The following PDGFD variants were observed in gnomAD, a reference collection of about 807,000 sequenced individuals.
PDGFD encodes platelet derived growth factor D, also known as platelet-derived growth factor D.
A neutral mutation model predicts 44.7 loss-of-function variants in PDGFD; 30 were observed. The observed-to-expected ratio is 0.67, with a 90% CI of 0.50 to 0.91. The LOEUF (loss-of-function observed/expected upper bound fraction) is 0.91. Ranked by LOEUF, PDGFD falls within the 40% of genes least tolerant of loss-of-function variation. The pLI is 0.00. For synonymous variants in PDGFD, 173 were observed against 168.4 expected (o/e 1.03, Z -0.21); for missense variants, 445 against 457.8 (o/e 0.97, Z 0.25).
chr11:103,938,983 T>A (rs1219605843), intron 5 of PDGFD, among the ~76,000 whole-genome samples: 2 of 152,204 alleles, frequency 1.3e-5, no homozygotes, highest in Non-Finnish European at 2.9e-5. Flanking sequence ...TGAAGTCAGG[T>A]AGCATGATGC....
At chr11:103,952,024 G>A (rs745460720) in intron 3 of PDGFD, among the ~76,000 whole-genome samples, 9 of 152,084 alleles carry the variant, frequency 5.9e-5, no homozygotes, top group African/African-American at 2.2e-4. Context: ...ATAATGATCA[G>A]CTGCTACTTG....
intron 3 of PDGFD, among the ~76,000 whole-genome samples, chr11:103,961,550 G>A (rs1858935507): frequency 6.6e-6 from 1 of 152,140 alleles, no homozygotes; most frequent in South Asian, 2.1e-4. Context: ...CTGTGAGTAT[G>A]TCATGTGCCC....
intron 1 of PDGFD, chr11:104,036,691 G>A (rs769083655): frequency 4.3e-5 from 31 of 714,878 alleles, no homozygotes; most frequent in Non-Finnish European, 7.4e-5. Flanking sequence ...GCCTCTCTGA[G>A]AGGTGAATGA....
At chr11:104,069,744 C>G (rs190237457) in intron 1 of PDGFD, among the ~76,000 whole-genome samples, 2 of 152,316 alleles carry the variant, frequency 1.3e-5, no homozygotes, top group Admixed American at 1.3e-4. Context: ...CCTGTAGTCC[C>G]AGCTACTCAG....
chr11:104,045,435 G>C (rs1206203986), intron 1 of PDGFD, among the ~76,000 whole-genome samples: 1 of 151,874 alleles, frequency 6.6e-6, no homozygotes, highest in Admixed American at 6.6e-5. Context: ...TGATCAAACT[G>C]CTTTAATTTT....
chr11:103,955,837 AT>A (rs1338090094), intron 3 of PDGFD, among the ~76,000 whole-genome samples: 2 of 152,074 alleles, frequency 1.3e-5, no homozygotes, highest in Non-Finnish European at 2.9e-5. Flanking sequence ...AGACACACAG[AT>A]TTTCACTGAT....
chr11:104,017,015 T>A (rs186322338), intron 1 of PDGFD, among the ~76,000 whole-genome samples: 1 of 152,142 alleles, frequency 6.6e-6, no homozygotes, highest in South Asian at 2.1e-4. Context: ...GGTGATGGTA[T>A]TAGGAGGTGA....
intron 1 of PDGFD, among the ~76,000 whole-genome samples, chr11:104,101,115 G>A (rs963462914): frequency 1.3e-5 from 2 of 152,088 alleles, no homozygotes; most frequent in African/African-American, 2.4e-5. Flanking sequence ...AATCCGGCAG[G>A]AGAAGGAAAT....
At chr11:104,017,900 A>G (rs906350229) in intron 1 of PDGFD, among the ~76,000 whole-genome samples, 4 of 152,204 alleles carry the variant, frequency 2.6e-5, no homozygotes, top group Admixed American at 6.5e-5. Context: ...GTAAAGTACC[A>G]TAACTGCCAT....
intron 3 of PDGFD, among the ~76,000 whole-genome samples, chr11:103,976,015 T>C (rs1047584735): frequency 6.6e-6 from 1 of 152,194 alleles, no homozygotes; most frequent in Non-Finnish European, 1.5e-5. Flanking sequence ...AAAGTAGTTT[T>C]TTTCTAGTTC....
At chr11:104,126,099 T>A (rs1327554841) in intron 1 of PDGFD, among the ~76,000 whole-genome samples, 1 of 152,116 alleles carries the variant, frequency 6.6e-6, no homozygotes, top group African/African-American at 2.4e-5. Context: ...TGGAGAGAAC[T>A]CCACTAGCCT....
chr11:104,021,169 G>T (rs1000165351), intron 1 of PDGFD, among the ~76,000 whole-genome samples: 1 of 152,134 alleles, frequency 6.6e-6, no homozygotes, highest in African/African-American at 2.4e-5. Context: ...AGCTGCAGTG[G>T]TCTACGGAAA....
chr11:104,130,005 A>G (rs1861896173), intron 1 of PDGFD, among the ~76,000 whole-genome samples: 2 of 151,642 alleles, frequency 1.3e-5, no homozygotes, highest in African/African-American at 4.8e-5. Flanking sequence ...CCTCTGAAAA[A>G]AAAAAAAAAG....
intron 3 of PDGFD, among the ~76,000 whole-genome samples, chr11:103,969,488 T>C (rs1440289021): frequency 4.7e-5 from 7 of 148,836 alleles, no homozygotes; most frequent in African/African-American, 1.7e-4. Context: ...TTTTTTTTTT[T>C]TTTTTTTTTT....
intron 1 of PDGFD, among the ~76,000 whole-genome samples, chr11:104,065,864 G>C (rs535809888): frequency 4.6e-5 from 7 of 152,048 alleles, no homozygotes; most frequent in Non-Finnish European, 8.8e-5. Context: ...TCCGTTCTAA[G>C]GGATCTCTAG....
chr11:104,099,668 A>G (rs945567292), intron 1 of PDGFD, among the ~76,000 whole-genome samples: 2 of 149,030 alleles, frequency 1.3e-5, no homozygotes, highest in Non-Finnish European at 3.0e-5. Context: ...AATAATAATA[A>G]TAATAATAAA....
chr11:103,991,931 C>T (rs1422260993), intron 3 of PDGFD, among the ~76,000 whole-genome samples: 2 of 152,154 alleles, frequency 1.3e-5, no homozygotes, highest in African/African-American at 4.8e-5. Context: ...TCTCTGTACA[C>T]CATCTACCGG....
At chr11:104,033,239 G>A (rs1454315013) in intron 1 of PDGFD, among the ~76,000 whole-genome samples, 1 of 152,046 alleles carries the variant, frequency 6.6e-6, no homozygotes, top group East Asian at 1.9e-4. Context: ...ATACACAGAA[G>A]TACTAAACAC....
intron 1 of PDGFD, among the ~76,000 whole-genome samples, chr11:104,121,990 A>T (rs922362943): frequency 8.5e-5 from 13 of 152,088 alleles, no homozygotes; most frequent in African/African-American, 3.1e-4. Flanking sequence ...GGGATATCCA[A>T]GTGTTTTTAT....
Sources: gnomAD v4.1 joint callset for allele counts (sites outside exome capture counted in the v4.1 genomes callset) on GRCh38, gnomAD v4.1.1 for gene constraint, MANE v1.5 for transcripts, NCBI Gene and HGNC (gene_info 2026-07-23, HGNC 2026-07-21) for gene names.